The following ERAP1 variants were observed in gnomAD, a reference collection of about 807,000 sequenced individuals.
ERAP1 encodes adipocyte-derived leucine aminopeptidase.
A neutral mutation model predicts 103.7 loss-of-function variants in ERAP1; 86 were observed. That is an observed-to-expected ratio of 0.83 (90% CI 0.70 to 0.99). The LOEUF is 0.99. ERAP1 is among the 50% of genes least tolerant of loss of function. The pLI, the probability that ERAP1 is intolerant of heterozygous loss-of-function variation, is 0.00. For missense variants in ERAP1, 1,009 were observed against 1,128.4 expected (o/e 0.89, Z 1.52); for synonymous variants, 398 against 402.4 (o/e 0.99, Z 0.13).
intron 1 of ERAP1, among the ~76,000 whole-genome samples, chr5:96,807,137 T>A (rs916405794): frequency 6.6e-6 from 1 of 152,144 alleles, no homozygotes; most frequent in Non-Finnish European, 1.5e-5. Context: ...CCTCATGGAA[T>A]TAACTTTGTA....
chr5:96,786,612 C>T, intron 11 of ERAP1, 63 bp from the exon 12 acceptor site: 7 of 1,097,636 alleles, frequency 6.4e-6, no homozygotes, highest in Non-Finnish European at 9.8e-6. Flanking sequence ...GTTATTAAAT[C>T]ACCTATCATG....
the ERAP1 span, among the ~76,000 whole-genome samples, chr5:96,860,334 G>A: frequency 6.6e-6 from 1 of 152,112 alleles, no homozygotes; most frequent in Non-Finnish European, 1.5e-5. Context: ...GATTACAAGT[G>A]TGAGCCACTA....
chr5:96,891,776 G>A, the ERAP1 span, among the ~76,000 whole-genome samples: 2 of 151,982 alleles, frequency 1.3e-5, no homozygotes, highest in East Asian at 3.9e-4. Flanking sequence ...CATAATAGAG[G>A]CTATATTTGC....
At chr5:96,896,356 T>A in the ERAP1 span, 1 of 1,594,374 alleles carries the variant, frequency 6.3e-7, no homozygotes, top group East Asian at 2.2e-5. Flanking sequence ...AAACTAAACA[T>A]TTTTCTCCCT....
At position 96,775,002 on chromosome 5, in the gene ERAP1, A is replaced by C; in HGVS notation, c.*1394T>G. On this transcript the variant is annotated 3_prime_UTR_variant, in exon 19 of 19. Transcript: ENST00000443439. ...TTTGAATTCTCCTTTGCCAGGTGTG[A>C]GGATTTCCGCACCTTAGAGTCAGCG... The C allele has an allele frequency of 5.1e-6, 5 of 985,566 alleles. No homozygotes were observed. The highest frequency in any genetic ancestry group is 6.0e-6 in the Non-Finnish European group (5 of 829,924). 61.1% of individuals were successfully genotyped at this position (985,566 alleles called of 1,614,324 possible).
At chr5:96,875,465 A>T in the ERAP1 span, among the ~76,000 whole-genome samples, 1 of 151,654 alleles carries the variant, frequency 6.6e-6, no homozygotes, top group East Asian at 1.9e-4. Flanking sequence ...GAGCTCAGGA[A>T]GTCAAGGCTG....
chr5:96,853,429 C>T, the ERAP1 span, among the ~76,000 whole-genome samples: 894 of 152,270 alleles, frequency 5.9e-3, 8 homozygotes, highest in African/African-American at 0.021. Flanking sequence ...GCCTTAGGTA[C>T]ACTACCGACT....
the ERAP1 span, chr5:96,902,447 A>C: frequency 1.4e-6 from 1 of 724,032 alleles, no homozygotes; most frequent in African/African-American, 1.8e-5. Context: ...AAATCTAACA[A>C]TAAAAGATTT....
In ERAP1 at chr5:96,775,403, T is replaced by C; in HGVS notation, c.*993A>G. 1.0e-6 allele frequency: 1 copy of C among 985,060 alleles called. No individual in the cohort carries two copies. Among genetic ancestry groups the C allele is most frequent in the Non-Finnish European group, 1.2e-6 (1 of 829,566 alleles). 61.0% of individuals were successfully genotyped at this position (985,060 alleles called of 1,614,324 possible). ...ATGCCAATAACTAGTTAGTTAGAAA[T>C]TGTAAAGTAGGCCAAATAAGAAGCA... On this transcript the variant is annotated 3_prime_UTR_variant, in exon 19 of 19. Coordinates refer to ENST00000443439, the MANE Select transcript of ERAP1 (RefSeq NM_001040458.3).
chr5:96,897,750 T>G, the ERAP1 span, among the ~76,000 whole-genome samples: 1 of 152,204 alleles, frequency 6.6e-6, no homozygotes, highest in Admixed American at 6.5e-5. Context: ...AAATAATTTT[T>G]TATAGAACCA....
chr5:96,876,684 A>ATTCT, the ERAP1 span, among the ~76,000 whole-genome samples: 1 of 152,144 alleles, frequency 6.6e-6, no homozygotes, highest in Non-Finnish European at 1.5e-5. Flanking sequence ...TGTATTAGAA[A>ATTCT]GTGTATGCAG....
chr5:96,789,790 A>G (rs769483061), intron 10 of ERAP1, among the ~76,000 whole-genome samples: 3 of 152,224 alleles, frequency 2.0e-5, no homozygotes, highest in South Asian at 2.1e-4. Flanking sequence ...TACCAATCAG[A>G]TGTCTTTGTA....
At chr5:96,899,882 T>C in the ERAP1 span, among the ~76,000 whole-genome samples, 1 of 152,248 alleles carries the variant, frequency 6.6e-6, no homozygotes, top group African/African-American at 2.4e-5. Context: ...AATGACTTTA[T>C]TGAACTTTTT....
At position 96,783,850 on chromosome 5, in the gene ERAP1, CACACAT is replaced by C. The variant is rs1282482892; in HGVS notation, c.2100+68_2100+73del. On this transcript the variant is annotated intron_variant, in intron 14 of 18. Transcript: ENST00000443439. ...ACACACACACACACACACACACACA[CACACAT>C]ACACACACAATGATTAACACTTTTT... The C allele has an allele frequency of 9.1e-5, 35 of 386,334 alleles. 1 individual carries two copies. The African/African-American group carries it at 1.3e-3, about 14-fold the overall frequency. 23.9% of individuals were successfully genotyped at this position (386,334 alleles called of 1,614,324 possible).
the ERAP1 span, among the ~76,000 whole-genome samples, chr5:96,876,997 G>C: frequency 6.6e-6 from 1 of 151,910 alleles, no homozygotes; most frequent in Non-Finnish European, 1.5e-5. Context: ...TATTTTGAGA[G>C]AGAGCCTCGC....
chr5:96,877,464 C>A, the ERAP1 span, among the ~76,000 whole-genome samples: 18 of 152,134 alleles, frequency 1.2e-4, no homozygotes, highest in African/African-American at 4.3e-4. Flanking sequence ...CAAGTTATAA[C>A]CTCAATAATA....
chr5:96,805,476 T>C (rs1778501200), intron 1 of ERAP1, among the ~76,000 whole-genome samples: 1 of 151,954 alleles, frequency 6.6e-6, no homozygotes, highest in Non-Finnish European at 1.5e-5. Flanking sequence ...TTCAAGGCAA[T>C]GGCTGAAGTG....
chr5:96,838,464 C>G, the ERAP1 span, among the ~76,000 whole-genome samples: 2 of 152,160 alleles, frequency 1.3e-5, no homozygotes, highest in African/African-American at 4.8e-5. Flanking sequence ...GTGGATTTAT[C>G]TATTTGTATG....
chr5:96,822,738 A>C, the ERAP1 span, among the ~76,000 whole-genome samples: 2 of 152,204 alleles, frequency 1.3e-5, no homozygotes, highest in Admixed American at 6.5e-5. Context: ...ATTGCTGATA[A>C]AGACATACCC....
Sources: allele counts gnomAD v4.1 joint callset (sites outside exome capture counted in the v4.1 genomes callset), GRCh38; gene constraint gnomAD v4.1.1; transcripts MANE v1.5; gene names NCBI Gene and HGNC (gene_info 2026-07-23, HGNC 2026-07-21).